KCNQ1: variants seen among roughly 807,000 people sequenced by gnomAD.
KCNQ1 encodes the protein potassium voltage-gated channel subfamily KQT member 1.
In KCNQ1, 49 loss-of-function variants were observed where a neutral mutation model predicts 72.4. The observed-to-expected ratio is 0.68, with a 90% CI of 0.54 to 0.86. The LOEUF is 0.86. KCNQ1 is among the 40% of genes least tolerant of loss of function. The probability of loss-of-function intolerance (pLI) is 0.00; values close to 1 mark genes in which losing one functional copy is unlikely to be tolerated. For missense variants in KCNQ1, 790 were observed against 945.1 expected, an observed-to-expected ratio of 0.84 and a Z score of 2.15; for synonymous variants, 450 against 412.6, an observed-to-expected ratio of 1.09 and a Z score of -1.10.
At chr11:2,525,746 T>G (rs115332873) in intron 1 of KCNQ1, among the ~76,000 whole-genome samples, 5,511 of 152,110 alleles carry the variant, frequency 0.036, 327 homozygotes, top group African/African-American at 0.12. Context: ...AATGTCCCAG[T>G]GGGGGAGTAA....
intron 15 of KCNQ1, among the ~76,000 whole-genome samples, chr11:2,841,915 G>A (rs930936211): frequency 1.3e-5 from 2 of 152,168 alleles, no homozygotes; most frequent in Non-Finnish European, 2.9e-5. Flanking sequence ...CCTGGGGGGT[G>A]GTCAGTGAGG....
rs1482847417 is a variant in KCNQ1, at chr11:2,830,402, G to T, written c.1795-17365G>T. On this transcript the variant is annotated intron_variant, in intron 15 of 15. Transcript: ENST00000155840. This position sits in a 1 kb window ranked among gnomAD's most constrained non-coding sequence, Gnocchi z 7.7. ...TATCTTAGATGATCTCCAAGGCCCC[G>T]GGATCTAAGTCCCTGTTAAGTCCCC... Among the ~76,000 whole-genome samples the T allele has an allele frequency of 6.6e-6, 1 of 152,060 alleles. No homozygotes were observed. Among genetic ancestry groups the T allele is most frequent in the Non-Finnish European group, 1.5e-5 (1 of 67,984 alleles).
At position 2,620,509 on chromosome 11, in the gene KCNQ1, C is replaced by G. The variant is rs1005002771; in HGVS notation, c.1393+31655C>G. The G allele has an allele frequency of 5.3e-6, 2 of 379,834 alleles. No individual in the cohort carries two copies. The highest frequency in any genetic ancestry group is 9.3e-6 in the Non-Finnish European group (2 of 215,178). 23.5% of individuals were successfully genotyped at this position (379,834 alleles called of 1,614,324 possible). A position where few individuals can be genotyped will look rare whatever the true frequency, so the allele number is the denominator to read the frequency against. On this transcript the variant is annotated intron_variant, in intron 10 of 15. Transcript: ENST00000155840. This position sits in a 1 kb window ranked among gnomAD's most constrained non-coding sequence, Gnocchi z 4.5. ...GGGATTACAGGTGAGAGCTACCGCA[C>G]CTGGCCGAATTCATTCATTTTTATG...
At chr11:2,529,882 T>C (rs1055780252) in intron 2 of KCNQ1, among the ~76,000 whole-genome samples, 3 of 152,124 alleles carry the variant, frequency 2.0e-5, no homozygotes, top group African/African-American at 7.2e-5. Flanking sequence ...GAAGGGTCCT[T>C]CAGGTCCGAT....
At position 2,826,835 on chromosome 11, in the gene KCNQ1, C is replaced by G. The variant is rs1049505481; in HGVS notation, c.1795-20932C>G. Among the ~76,000 whole-genome samples, 2 of 152,236 alleles carry G rather than the reference C, an allele frequency of 1.3e-5. No homozygotes were observed. The highest frequency in any genetic ancestry group is 4.8e-5 in the African/African-American group (2 of 41,462). On this transcript the variant is annotated intron_variant, in intron 15 of 15. Coordinates refer to ENST00000155840, the MANE Select transcript of KCNQ1 (RefSeq NM_000218.3). This position sits in a 1 kb window ranked among gnomAD's most constrained non-coding sequence, Gnocchi z 4.2. ...CCCCATATGCTCACAGCCAGAGAGACACACAGGCCAGCAGCCTGTAAACCA... is the reference window on the plus strand; with the variant it reads ...CCCCATATGCTCACAGCCAGAGAGAGACACAGGCCAGCAGCCTGTAAACCA...
Position 2,654,555 on chromosome 11 carries a change from G to C in KCNQ1, c.1394-7406G>C. The C allele has an allele frequency of 2.5e-6, 1 of 398,724 alleles. No individual in the cohort carries two copies. The highest frequency in any genetic ancestry group is 1.3e-4 in the South Asian group (1 of 7,854). The allele number at this position is 398,724 out of a possible 1,614,324, so 24.7% of individuals were successfully genotyped here. On this transcript the variant is annotated intron_variant, in intron 10 of 15. Transcript: ENST00000155840. The surrounding 1 kb of genome is among the most constrained non-coding windows in gnomAD (Gnocchi z 6.4). ...GGCTTGGGTTACACCTGGGAGATTA[G>C]GCCGGATTTTAATCAATCAGGAGGG... is the stretch of plus-strand genomic sequence containing the variant.
At position 2,538,199 on chromosome 11, in the gene KCNQ1, T is replaced by C. The variant is rs1360527678; in HGVS notation, c.477+10181T>C. On this transcript the variant is annotated intron_variant, in intron 2 of 15. Transcript: ENST00000155840. The surrounding 1 kb of genome is among the most constrained non-coding windows in gnomAD (Gnocchi z 6.7). The stretch of plus-strand genomic sequence containing the variant: ...AAGGCTCGTCACTGGTCCCAGTGAG[T>C]GTGGCTGGTTTTTTCTCATTGCACA... 6.6e-6 allele frequency among the ~76,000 whole-genome samples: 1 copy of C among 152,056 alleles called. No individual in the cohort carries two copies. The highest frequency in any genetic ancestry group is 2.4e-5 in the African/African-American group (1 of 41,400).
In KCNQ1 at chr11:2,559,144, T is replaced by A. The variant is rs1177579451; in HGVS notation, c.478-11484T>A. Among the ~76,000 whole-genome samples the A allele has an allele frequency of 6.6e-6, 1 of 151,770 alleles. No homozygotes were observed. Among genetic ancestry groups the A allele is most frequent in the Non-Finnish European group, 1.5e-5 (1 of 67,910 alleles). On this transcript the variant is annotated intron_variant, in intron 2 of 15. Coordinates refer to ENST00000155840, the MANE Select transcript of KCNQ1 (RefSeq NM_000218.3). This position sits in a 1 kb window ranked among gnomAD's most constrained non-coding sequence, Gnocchi z 4.9. ...GCAGGGAGGTTTTGCTCAAGGAGTG[T>A]CCCTTGAGCAAAATATTGCACTTTC...
rs1846608965 is a variant in KCNQ1, at chr11:2,478,653, C to T, written c.386+33169C>T. Among the ~76,000 whole-genome samples the T allele has an allele frequency of 6.6e-6, 1 of 152,164 alleles. No individual in the cohort carries two copies. Among genetic ancestry groups the T allele is most frequent in the Non-Finnish European group, 1.5e-5 (1 of 68,032 alleles). On this transcript the variant is annotated intron_variant, in intron 1 of 15. Coordinates refer to ENST00000155840, the MANE Select transcript of KCNQ1 (RefSeq NM_000218.3). This position sits in a 1 kb window ranked among gnomAD's most constrained non-coding sequence, Gnocchi z 4.0. The stretch of plus-strand genomic sequence containing the variant: ...TGACACGTGGGAATTATGGGAGCTA[C>T]AATTCACGATGAGATTTGGGTGGGG...
chr11:2,611,851 C>T lies in KCNQ1; in HGVS notation c.1393+22997C>T, dbSNP rs773180683. 2.5e-6 allele frequency: 1 copy of T among 398,340 alleles called. No individual in the cohort carries two copies. The highest frequency in any genetic ancestry group is 4.4e-6 in the Non-Finnish European group (1 of 226,004). 24.7% of individuals were successfully genotyped at this position (398,340 alleles called of 1,614,324 possible). ...ATGTTCTAGAGTACCATTCTAATTC[C>T]TTTGTTAGTTTATTTCCCCCATTTT... On this transcript the variant is annotated intron_variant, in intron 10 of 15. Transcript: ENST00000155840. The surrounding 1 kb of genome is among the most constrained non-coding windows in gnomAD (Gnocchi z 5.3).
intron 15 of KCNQ1, among the ~76,000 whole-genome samples, chr11:2,819,183 C>G (rs1047471602): frequency 6.6e-6 from 1 of 152,256 alleles, no homozygotes; most frequent in African/African-American, 2.4e-5. Context: ...GTAGGCCAGA[C>G]AGCCAAAGTC....
rs911432331 is a variant in KCNQ1, at chr11:2,515,523, G to A, written c.387-12405G>A. On this transcript the variant is annotated intron_variant, in intron 1 of 15. Coordinates refer to ENST00000155840, the MANE Select transcript of KCNQ1 (RefSeq NM_000218.3). The surrounding 1 kb of genome is among the most constrained non-coding windows in gnomAD (Gnocchi z 4.7). Reference sequence around the variant, plus strand: ...GACAGCGCAGCCGCCATCAGTGGGGGTGAGGGGACAAGGCTGCTGGGACCA... The same window carrying A: ...GACAGCGCAGCCGCCATCAGTGGGGATGAGGGGACAAGGCTGCTGGGACCA... 3.9e-5 allele frequency among the ~76,000 whole-genome samples: 6 copies of A among 152,156 alleles called. No homozygotes were observed. Among genetic ancestry groups the A allele is most frequent in the African/African-American group, 1.4e-4 (6 of 41,442 alleles).
rs1413442118 is a variant in KCNQ1, at chr11:2,826,839, C to T, written c.1795-20928C>T. Among the ~76,000 whole-genome samples, 2 of 152,210 alleles carry T rather than the reference C, an allele frequency of 1.3e-5. No individual in the cohort carries two copies. Among genetic ancestry groups the T allele is most frequent in the African/African-American group, 4.8e-5 (2 of 41,458 alleles). The stretch of plus-strand genomic sequence containing the variant: ...ATATGCTCACAGCCAGAGAGACACA[C>T]AGGCCAGCAGCCTGTAAACCACTGG... On this transcript the variant is annotated intron_variant, in intron 15 of 15. Coordinates refer to ENST00000155840, the MANE Select transcript of KCNQ1 (RefSeq NM_000218.3). The surrounding 1 kb of genome is among the most constrained non-coding windows in gnomAD (Gnocchi z 4.2).
At chr11:2,597,570 A>G (rs1848750297) in intron 10 of KCNQ1, among the ~76,000 whole-genome samples, 1 of 152,230 alleles carries the variant, frequency 6.6e-6, no homozygotes, top group Non-Finnish European at 1.5e-5. Flanking sequence ...GAAGAGTATG[A>G]AATCTGCCAT....
Position 2,772,282 on chromosome 11 carries a change from C to T in KCNQ1, c.1590+3363C>T, listed in dbSNP as rs766114970. 1.1e-3 allele frequency among the ~76,000 whole-genome samples: 170 copies of T among 152,222 alleles called. No individual in the cohort carries two copies. Among genetic ancestry groups the T allele is most frequent in the Non-Finnish European group, 1.8e-3 (122 of 68,012 alleles). On this transcript the variant is annotated intron_variant, in intron 12 of 15. Coordinates refer to ENST00000155840, the MANE Select transcript of KCNQ1 (RefSeq NM_000218.3). The surrounding 1 kb of genome is among the most constrained non-coding windows in gnomAD (Gnocchi z 6.6). ...GGGGCTGCTGACATGGCAGGTGACCCCTCTGCCTACCTTGCTGGCTGATAA... is the reference window on the plus strand; with the variant it reads ...GGGGCTGCTGACATGGCAGGTGACCTCTCTGCCTACCTTGCTGGCTGATAA...
Position 2,509,174 on chromosome 11 carries a change from G to A in KCNQ1, c.387-18754G>A, listed in dbSNP as rs1211953967. Among the ~76,000 whole-genome samples the A allele has an allele frequency of 6.6e-6, 1 of 152,246 alleles. No homozygotes were observed. The highest frequency in any genetic ancestry group is 2.4e-5 in the African/African-American group (1 of 41,454). ...AAAGCACACAGCACAGGTTGGGAGA[G>A]CAACTATCTCAAGGCTTTTATTTGC... On this transcript the variant is annotated intron_variant, in intron 1 of 15. Coordinates refer to ENST00000155840, the MANE Select transcript of KCNQ1 (RefSeq NM_000218.3). This position sits in a 1 kb window ranked among gnomAD's most constrained non-coding sequence, Gnocchi z 6.3.
Position 2,608,900 on chromosome 11 carries a change from C to A in KCNQ1, c.1393+20046C>A. On this transcript the variant is annotated intron_variant, in intron 10 of 15. Coordinates refer to ENST00000155840, the MANE Select transcript of KCNQ1 (RefSeq NM_000218.3). This position sits in a 1 kb window ranked among gnomAD's most constrained non-coding sequence, Gnocchi z 4.6. ...CTTCCCTCTCTGTCTTTCCTCCTCC[C>A]CCTCTTTCTTCCTCCCCTTCTTTTC... is the stretch of plus-strand genomic sequence containing the variant. The A allele has an allele frequency of 5.0e-6, 2 of 398,284 alleles. No individual in the cohort carries two copies. Among genetic ancestry groups the A allele is most frequent in the Non-Finnish European group, 8.8e-6 (2 of 226,006 alleles). The allele number at this position is 398,284 out of a possible 1,614,324, so 24.7% of individuals were successfully genotyped here. A position where few individuals can be genotyped will look rare whatever the true frequency, so the allele number is the denominator to read the frequency against.
chr11:2,808,718 C>T lies in KCNQ1; in HGVS notation c.1794+30681C>T, dbSNP rs930906036. Among the ~76,000 whole-genome samples the T allele has an allele frequency of 6.6e-6, 1 of 152,142 alleles. No homozygotes were observed. Among genetic ancestry groups the T allele is most frequent in the African/African-American group, 2.4e-5 (1 of 41,424 alleles). Reference sequence around the variant, plus strand: ...CATGCCCCCTTTCCCTAGGATACCCCTTGTTATCCTAGAAATACCCATCCT... The same window carrying T: ...CATGCCCCCTTTCCCTAGGATACCCTTTGTTATCCTAGAAATACCCATCCT... On this transcript the variant is annotated intron_variant, in intron 15 of 15. Coordinates refer to ENST00000155840, the MANE Select transcript of KCNQ1 (RefSeq NM_000218.3). The surrounding 1 kb of genome is among the most constrained non-coding windows in gnomAD (Gnocchi z 6.0).
At position 2,768,449 on chromosome 11, in the gene KCNQ1, C is replaced by T. The variant is rs111480883; in HGVS notation, c.1515-395C>T. Among the ~76,000 whole-genome samples, 237 of 152,242 alleles carry T rather than the reference C, an allele frequency of 1.6e-3. 1 individual carries two copies. The highest frequency in any genetic ancestry group is 5.6e-3 in the African/African-American group (231 of 41,564). On this transcript the variant is annotated intron_variant, in intron 11 of 15. Transcript: ENST00000155840. The surrounding 1 kb of genome is among the most constrained non-coding windows in gnomAD (Gnocchi z 6.7). ...CAGCTGAAAGGGGCTGTGGGCATCGCCAGCATGTACCCTCTTATCCCATTT... is the reference window on the plus strand; with the variant it reads ...CAGCTGAAAGGGGCTGTGGGCATCGTCAGCATGTACCCTCTTATCCCATTT...
Sources: allele counts gnomAD v4.1 joint callset (sites outside exome capture counted in the v4.1 genomes callset), GRCh38; gene constraint gnomAD v4.1.1; non-coding constraint Gnocchi (gnomAD v3.1); transcripts MANE v1.5; gene names NCBI Gene and HGNC (gene_info 2026-07-23, HGNC 2026-07-21).